Variants in PCDHGB2 observed in about 807,000 individuals in gnomAD.
PCDHGB2 encodes protocadherin gamma subfamily B, 2.
In PCDHGB2, 55 loss-of-function variants were observed where a neutral mutation model predicts 59.3. The ratio of observed to expected loss-of-function variants is 0.93; its 90% CI spans 0.75 to 1.16. PCDHGB2 has a LOEUF of 1.16. PCDHGB2 is among the 50% of genes most tolerant of loss of function. The probability of loss-of-function intolerance (pLI) is 0.00; values close to 1 mark genes in which losing one functional copy is unlikely to be tolerated. For missense variants in PCDHGB2, 1,228 were observed against 1,198.5 expected (o/e 1.02, Z -0.36); for synonymous variants, 516 against 512.0 (o/e 1.01, Z -0.11).
intron 1 of PCDHGB2, among the ~76,000 whole-genome samples, chr5:141,430,380 T>C (rs1464446838): frequency 2.7e-5 from 4 of 147,890 alleles, no homozygotes; most frequent in Non-Finnish European, 4.5e-5. Flanking sequence ...AAAAGCTCAT[T>C]GGGAAAAAAA....
At chr5:141,456,919 C>G (rs2098898169) in intron 1 of PCDHGB2, among the ~76,000 whole-genome samples, 1 of 152,124 alleles carries the variant, frequency 6.6e-6, no homozygotes, top group African/African-American at 2.4e-5. Flanking sequence ...GCCGAGATCG[C>G]ACCACTGCAC....
intron 1 of PCDHGB2, chr5:141,377,028 G>A (rs776077319): frequency 2.5e-4 from 39 of 154,858 alleles, no homozygotes; most frequent in Admixed American, 6.4e-5. Context: ...ATTCAAGATT[G>A]TCTTTGATTA....
chr5:141,418,773 A>G, intron 1 of PCDHGB2: 2 of 1,613,904 alleles, frequency 1.2e-6, no homozygotes, highest in Non-Finnish European at 1.7e-6. Flanking sequence ...CTAACTCAGC[A>G]GCCTTTGGAT....
rs1243958567 is a variant in PCDHGB2, at chr5:141,418,557, T to C, written c.2421+56001T>C. 4.3e-6 allele frequency: 7 copies of C among 1,613,860 alleles called. No homozygotes were observed. The East Asian group carries it at 1.6e-4, about 36-fold the overall frequency. On this transcript the variant is annotated intron_variant, in intron 1 of 3. Coordinates refer to ENST00000522605, the MANE Select transcript of PCDHGB2 (RefSeq NM_018923.3). ...ACTGCTCAGATAAGAATCCTGGTAA[T>C]AGATGCCAATGACAACCCCCCAGTG... is the stretch of plus-strand genomic sequence containing the variant.
In PCDHGB2 at chr5:141,512,494, C is replaced by T. The variant is rs2099884262; in HGVS notation, c.*1321C>T. The T allele has an allele frequency of 6.5e-6, 1 of 152,894 alleles. No individual in the cohort carries two copies. Among genetic ancestry groups the T allele is most frequent in the Admixed American group, 6.5e-5 (1 of 15,282 alleles). The allele number at this position is 152,894 out of a possible 1,614,324, so 9.5% of individuals were successfully genotyped here. Reference sequence around the variant, plus strand: ...CTTCCGTGAAGGCCACTGCCCAGGTCCCCAGTGCGCCCCCTAGTGGCCATA... The same window carrying T: ...CTTCCGTGAAGGCCACTGCCCAGGTTCCCAGTGCGCCCCCTAGTGGCCATA... On this transcript the variant is annotated 3_prime_UTR_variant, in exon 4 of 4. Transcript: ENST00000522605.
intron 1 of PCDHGB2, chr5:141,371,090 C>A (rs764906419): frequency 8.7e-6 from 14 of 1,613,702 alleles, no homozygotes; most frequent in Non-Finnish European, 1.2e-5. Context: ...GGGTAATTGT[C>A]GCAGATGCAA....
intron 1 of PCDHGB2, chr5:141,394,707 C>T (rs1325466311): frequency 1.2e-6 from 2 of 1,613,272 alleles, no homozygotes; most frequent in Non-Finnish European, 1.7e-6. Context: ...GGCGCGAGCC[C>T]TGCTGGACAG....
chr5:141,453,021 A>G (rs1008711775), intron 1 of PCDHGB2, among the ~76,000 whole-genome samples: 1 of 152,200 alleles, frequency 6.6e-6, no homozygotes, highest in Non-Finnish European at 1.5e-5. Context: ...TATGTGATTC[A>G]TTAAAATAAA....
chr5:141,406,555 A>G (rs2094824314), intron 1 of PCDHGB2, among the ~76,000 whole-genome samples: 1 of 152,224 alleles, frequency 6.6e-6, no homozygotes. Context: ...TCAGTTATCC[A>G]CTTCCAAACC....
intron 1 of PCDHGB2, chr5:141,411,226 C>G (rs781690096): frequency 6.6e-6 from 1 of 151,996 alleles, no homozygotes; most frequent in South Asian, 2.1e-4. Flanking sequence ...TTCAAATTTG[C>G]GAAGACTTAG....
At chr5:141,480,894 C>CA (rs1235468010) in intron 1 of PCDHGB2, among the ~76,000 whole-genome samples, 15 of 151,848 alleles carry the variant, frequency 9.9e-5, no homozygotes, top group African/African-American at 3.4e-4. Context: ...AAAATGCAAA[C>CA]ATTAGCTGGG....
In PCDHGB2 at chr5:141,388,120, C is replaced by G. The variant is rs945677635; in HGVS notation, c.2421+25564C>G. The G allele has an allele frequency of 2.8e-6, 4 of 1,422,500 alleles. No homozygotes were observed. The African/African-American group carries it at 5.8e-5, about 20-fold the overall frequency. 88.1% of individuals were successfully genotyped at this position (1,422,500 alleles called of 1,614,324 possible). On this transcript the variant is annotated intron_variant, in intron 1 of 3. Coordinates refer to ENST00000522605, the MANE Select transcript of PCDHGB2 (RefSeq NM_018923.3). ...GAGAAGCCTTACTTCACCGTGAGCG[C>G]AGAGAGCGGGGAGTTGCTTGTGAGC...
Position 141,432,124 on chromosome 5 carries a change from C to G in PCDHGB2, c.2422-62683C>G, listed in dbSNP as rs1286909667. On this transcript the variant is annotated intron_variant, in intron 1 of 3. Transcript: ENST00000522605. The surrounding 1 kb of genome is among the most constrained non-coding windows in gnomAD (Gnocchi z 6.0). ...ACAACCCGCCGGTCTTCCCTCAGGC[C>G]TCCTATTCCGCTTATATCCCAGAGA... 6.2e-7 allele frequency: 1 copy of G among 1,614,156 alleles called. No homozygotes were observed. The highest frequency in any genetic ancestry group is 1.1e-5 in the South Asian group (1 of 91,066).
rs773389466 is a variant in PCDHGB2, at chr5:141,388,420, C to T, written c.2421+25864C>T. The T allele has an allele frequency of 3.1e-6, 5 of 1,613,778 alleles. No homozygotes were observed. The South Asian group carries it at 4.4e-5, about 14-fold the overall frequency. ...CAACTCAGTCCCAGTGATCATTTCT[C>T]ACTGATAAATAAAGAGAAATCAGAT... On this transcript the variant is annotated intron_variant, in intron 1 of 3. Coordinates refer to ENST00000522605, the MANE Select transcript of PCDHGB2 (RefSeq NM_018923.3).
intron 1 of PCDHGB2, among the ~76,000 whole-genome samples, chr5:141,463,099 A>G (rs1445730117): frequency 1.4e-4 from 21 of 152,204 alleles, no homozygotes; most frequent in Admixed American, 1.4e-3. Context: ...CTATGTGACC[A>G]TCAAGAATTC....
intron 1 of PCDHGB2, chr5:141,419,345 C>T (rs111954647): frequency 6.2e-6 from 10 of 1,613,858 alleles, no homozygotes; most frequent in African/African-American, 2.7e-5. Flanking sequence ...TGCCAGCGAC[C>T]TGGAGTCACG....
At chr5:141,426,657 A>G (rs1369635444) in intron 1 of PCDHGB2, 2 of 425,278 alleles carry the variant, frequency 4.7e-6, no homozygotes, top group Non-Finnish European at 9.7e-6. Flanking sequence ...GATAGAAGAT[A>G]TAAATGATAA....
chr5:141,379,889 CTTTTTTTTTTT>C (rs70988800), intron 1 of PCDHGB2, among the ~76,000 whole-genome samples: 218 of 50,846 alleles, frequency 4.3e-3, no homozygotes, highest in African/African-American at 5.5e-3. Flanking sequence ...GTGAAAGCCT[CTTTTTTTTTTT>C]TTTTTTTTTT....
rs773174763 is a variant in PCDHGB2 at position 141,477,409 on chromosome 5, C to T, written c.2422-17398C>T. The T allele has an allele frequency of 1.4e-5, 22 of 1,614,058 alleles. No homozygotes were observed. The highest frequency in any genetic ancestry group is 1.7e-5 in the Admixed American group (1 of 60,006). On this transcript the variant is annotated intron_variant, in intron 1 of 3. Transcript: ENST00000522605. This position sits in a 1 kb window ranked among gnomAD's most constrained non-coding sequence, Gnocchi z 4.9. ...ACAACCTCAGCATCACCGCCCGAGA[C>T]GCCGGAACCCCTTCCCTCTCAGCCC...
Sources: allele counts gnomAD v4.1 joint callset (sites outside exome capture counted in the v4.1 genomes callset), GRCh38; gene constraint gnomAD v4.1.1; non-coding constraint Gnocchi (gnomAD v3.1); transcripts MANE v1.5; gene names NCBI Gene and HGNC (gene_info 2026-07-23, HGNC 2026-07-21).